Variants in TMEM132D observed in about 807,000 individuals in gnomAD.
TMEM132D encodes transmembrane protein 132D, also known as mature OL transmembrane protein.
Under a neutral mutation model 62.3 loss-of-function variants are expected in TMEM132D, and 21 were observed. The observed-to-expected ratio is 0.34, with a 90% CI of 0.24 to 0.49. The LOEUF (loss-of-function observed/expected upper bound fraction) is 0.49. Among genes scored for constraint, TMEM132D ranks in the 20% least tolerant of loss-of-function variants. The probability of loss-of-function intolerance (pLI) is 0.99; values close to 1 mark genes in which losing one functional copy is unlikely to be tolerated. For synonymous variants in TMEM132D, 621 were observed against 575.6 expected (o/e 1.08, Z -1.13); for missense variants, 1,346 against 1,402.8 (o/e 0.96, Z 0.65).
At chr12:129,710,095 G>A (rs79219853) in intron 1 of TMEM132D, among the ~76,000 whole-genome samples, 2,538 of 152,204 alleles carry the variant, frequency 0.017, 102 homozygotes, top group East Asian at 0.13. Flanking sequence ...GAGATAGCAC[G>A]TATGAAAAGA....
chr12:129,627,179 A>C (rs1879243045), intron 2 of TMEM132D, among the ~76,000 whole-genome samples: 1 of 150,366 alleles, frequency 6.7e-6, no homozygotes, highest in African/African-American at 2.5e-5. Context: ...TGACCTCCCC[A>C]AACAGTCATG....
intron 2 of TMEM132D, among the ~76,000 whole-genome samples, chr12:129,609,031 C>T (rs1878699816): frequency 6.6e-6 from 1 of 151,634 alleles, no homozygotes; most frequent in African/African-American, 2.4e-5. Flanking sequence ...ACCTCTACCT[C>T]CTGGGTTCCA....
intron 3 of TMEM132D, among the ~76,000 whole-genome samples, chr12:129,500,168 G>A (rs915870122): frequency 1.1e-4 from 13 of 113,640 alleles, no homozygotes; most frequent in African/African-American, 3.8e-4. Flanking sequence ...GCAATTCACC[G>A]GACCTCATCT....
intron 2 of TMEM132D, among the ~76,000 whole-genome samples, chr12:129,558,423 G>A (rs1450817595): frequency 2.0e-5 from 3 of 152,108 alleles, no homozygotes; most frequent in Non-Finnish European, 1.5e-5. Context: ...TGTTTAAAAT[G>A]AGGAATTAGA....
chr12:129,431,379 G>T (rs1872650198), intron 3 of TMEM132D, among the ~76,000 whole-genome samples: 1 of 152,228 alleles, frequency 6.6e-6, no homozygotes, highest in East Asian at 1.9e-4. Context: ...CTCTCACAGG[G>T]GATTTATGGC....
intron 5 of TMEM132D, among the ~76,000 whole-genome samples, chr12:129,130,054 T>TGTG: frequency 6.6e-6 from 1 of 151,314 alleles, no homozygotes; most frequent in Middle Eastern, 3.4e-3. Flanking sequence ...TGTGTGTGTG[T>TGTG]TTATTTATGC....
intron 1 of TMEM132D, among the ~76,000 whole-genome samples, chr12:129,761,424 A>G (rs958573854): frequency 1.1e-4 from 16 of 152,168 alleles, no homozygotes; most frequent in African/African-American, 3.6e-4. Flanking sequence ...CAGAGCTATG[A>G]ACTAGTGATA....
chr12:129,505,548 C>T (rs1162021528), intron 3 of TMEM132D, among the ~76,000 whole-genome samples: 2 of 152,102 alleles, frequency 1.3e-5, no homozygotes, highest in African/African-American at 4.8e-5. Context: ...TGGCCTGTTC[C>T]AAGGTATAGT....
chr12:129,840,451 C>A (rs1343524158), intron 1 of TMEM132D: 2 of 152,170 alleles, frequency 1.3e-5, no homozygotes, highest in East Asian at 3.9e-4. Flanking sequence ...TAAACGGTTC[C>A]CCGGAAATTA....
At chr12:129,408,280 T>C (rs1045060840) in intron 3 of TMEM132D, among the ~76,000 whole-genome samples, 2 of 152,204 alleles carry the variant, frequency 1.3e-5, no homozygotes, top group Non-Finnish European at 2.9e-5. Context: ...TAAGCATCTG[T>C]TTTTCTAGAG....
At position 129,176,843 on chromosome 12, in the gene TMEM132D, C is replaced by T. The variant is rs58195444; in HGVS notation, c.1443+32677G>A. On this transcript the variant is annotated intron_variant, in intron 5 of 8. Coordinates refer to ENST00000422113, the MANE Select transcript of TMEM132D (RefSeq NM_133448.3). The stretch of plus-strand genomic sequence containing the variant: ...CCCTGGCATGTGCCATGGGCATTGC[C>T]CAGTGACAGCTGTTAAGAAGTAAAG... Among the ~76,000 whole-genome samples the T allele has an allele frequency of 9.8e-5, 15 of 152,308 alleles. No homozygotes were observed. The East Asian group carries it at 2.9e-3, about 29-fold the overall frequency.
chr12:129,532,035 G>C (rs990181701), intron 2 of TMEM132D, among the ~76,000 whole-genome samples: 1 of 152,068 alleles, frequency 6.6e-6, no homozygotes, highest in South Asian at 2.1e-4. Context: ...CAGTTTGGGT[G>C]ACAAAGTGAG....
intron 1 of TMEM132D, among the ~76,000 whole-genome samples, chr12:129,720,450 T>C (rs1294440342): frequency 6.6e-6 from 1 of 152,226 alleles, no homozygotes; most frequent in Non-Finnish European, 1.5e-5. Flanking sequence ...ATATAAGTAA[T>C]GCCAACAATT....
chr12:129,334,045 TG>T (rs1311357098), intron 4 of TMEM132D, among the ~76,000 whole-genome samples: 10 of 151,964 alleles, frequency 6.6e-5, no homozygotes, highest in Admixed American at 2.0e-4. Flanking sequence ...CGCTTGAACC[TG>T]GGGGGCAGAG....
chr12:129,095,356 T>TG (rs1875077103), intron 5 of TMEM132D, among the ~76,000 whole-genome samples: 1 of 144,558 alleles, frequency 6.9e-6, no homozygotes, highest in African/African-American at 2.6e-5. Context: ...GTTTTTTTTT[T>TG]TTTTTTTTTT....
At chr12:129,086,850 A>C (rs1665526717) in intron 5 of TMEM132D, among the ~76,000 whole-genome samples, 1 of 151,920 alleles carries the variant, frequency 6.6e-6, no homozygotes, top group African/African-American at 2.4e-5. Context: ...TTTCAATGTA[A>C]TGATTTTTCT....
At chr12:129,283,934 C>T (rs1187482494) in intron 4 of TMEM132D, among the ~76,000 whole-genome samples, 2 of 152,198 alleles carry the variant, frequency 1.3e-5, no homozygotes, top group African/African-American at 4.8e-5. Context: ...GATCATTTGA[C>T]CAATGGAAAG....
rs180866727 is a variant in TMEM132D, at chr12:129,252,992, T to G, written c.1300-43329A>C. On this transcript the variant is annotated intron_variant, in intron 4 of 8. Coordinates refer to ENST00000422113, the MANE Select transcript of TMEM132D (RefSeq NM_133448.3). Reference sequence around the variant, plus strand: ...TCACTCATAGGTGGGAATTGAACAATGATAACACATGGACACAGGAAGGGG... The same window carrying G: ...TCACTCATAGGTGGGAATTGAACAAGGATAACACATGGACACAGGAAGGGG... Among the ~76,000 whole-genome samples, 786 of 130,274 alleles carry G rather than the reference T, an allele frequency of 6.0e-3. 11 individuals are homozygous for G. Among genetic ancestry groups the G allele is most frequent in the African/African-American group, 0.022 (759 of 33,858 alleles). 85.5% of individuals were successfully genotyped at this position (130,274 alleles called of 152,430 possible). A position where few individuals can be genotyped will look rare whatever the true frequency, so the allele number is the denominator to read the frequency against.
chr12:129,138,453 C>T (rs1202140083), intron 5 of TMEM132D, among the ~76,000 whole-genome samples: 4 of 152,144 alleles, frequency 2.6e-5, no homozygotes, highest in Admixed American at 6.5e-5. Flanking sequence ...CATGGTGGCT[C>T]ATGCCTGCAA....
Sources: allele counts gnomAD v4.1 joint callset (sites outside exome capture counted in the v4.1 genomes callset), GRCh38; gene constraint gnomAD v4.1.1; transcripts MANE v1.5; gene names NCBI Gene and HGNC (gene_info 2026-07-23, HGNC 2026-07-21).